The following CHN1 variants were observed in gnomAD, a reference collection of about 807,000 sequenced individuals.
CHN1 encodes N-chimaerin.
A neutral mutation model predicts 59.5 loss-of-function variants in CHN1; 37 were observed. The ratio of observed to expected loss-of-function variants is 0.62; its 90% CI spans 0.48 to 0.82. The LOEUF is 0.82. Among genes scored for constraint, CHN1 ranks in the 40% least tolerant of loss-of-function variants. The pLI, the probability that CHN1 is intolerant of heterozygous loss-of-function variation, is 0.00. For missense variants in CHN1, 469 were observed against 571.0 expected (o/e 0.82, Z 1.82); for synonymous variants, 206 against 200.4 (o/e 1.03, Z -0.24).
At chr2:174,800,318 T>C in intron 12 of CHN1, 31 bp from the exon 13 acceptor site, 1 of 1,409,766 alleles carries the variant, frequency 7.1e-7, no homozygotes, top group Non-Finnish European at 9.3e-7. Context: ...AATAAATGAC[T>C]TTGTGTAAGC....
intron 8 of CHN1, among the ~76,000 whole-genome samples, chr2:174,820,431 A>AT (rs1457698358): frequency 6.6e-6 from 1 of 152,104 alleles, no homozygotes; most frequent in Non-Finnish European, 1.5e-5. Context: ...GATGATGAGC[A>AT]TTTTTTCATG....
intron 6 of CHN1, among the ~76,000 whole-genome samples, chr2:174,868,096 C>T (rs573931264): frequency 1.3e-5 from 2 of 152,178 alleles, no homozygotes; most frequent in South Asian, 4.1e-4. Context: ...TTTTTCATAT[C>T]TTTCTAATTT....
intron 7 of CHN1, among the ~76,000 whole-genome samples, chr2:174,842,720 CT>C (rs1428448321): frequency 1.3e-5 from 2 of 152,182 alleles, no homozygotes; most frequent in East Asian, 3.8e-4. Context: ...AGTGTCCAGT[CT>C]GTTGGCTAGG....
intron 2 of CHN1, among the ~76,000 whole-genome samples, chr2:174,948,883 G>A (rs1689928636): frequency 6.6e-6 from 1 of 152,152 alleles, no homozygotes; most frequent in South Asian, 2.1e-4. Flanking sequence ...ACATCACAGA[G>A]ATGCTGAAGC....
intron 10 of CHN1, among the ~76,000 whole-genome samples, chr2:174,809,356 T>C (rs933447422): frequency 1.3e-5 from 2 of 152,182 alleles, no homozygotes; most frequent in African/African-American, 2.4e-5. Context: ...CCTCCATGAG[T>C]GCAAGGACCA....
intron 8 of CHN1, among the ~76,000 whole-genome samples, chr2:174,817,430 C>T (rs573794732): frequency 1.3e-5 from 2 of 150,828 alleles, no homozygotes; most frequent in African/African-American, 4.9e-5. Context: ...TTGGTATTGA[C>T]TTTTTTCCTT....
chr2:174,905,456 C>T (rs1226501197), intron 5 of CHN1, among the ~76,000 whole-genome samples: 1 of 152,188 alleles, frequency 6.6e-6, no homozygotes, highest in Non-Finnish European at 1.5e-5. Flanking sequence ...TTGGCTTTCT[C>T]TACCTTCTAC....
intron 4 of CHN1, 67 bp from the exon 5 acceptor site, chr2:174,915,238 G>A (rs368035324): frequency 2.4e-5 from 28 of 1,149,164 alleles, no homozygotes; most frequent in African/African-American, 1.7e-4. Context: ...ATAAAACAAC[G>A]TCCCACCACC....
chr2:174,987,289 TTTA>T (rs935017575), intron 1 of CHN1, among the ~76,000 whole-genome samples: 15 of 152,312 alleles, frequency 9.8e-5, no homozygotes, highest in Admixed American at 2.6e-4. Context: ...CTAGTATGGT[TTTA>T]TTATTTCACA....
At chr2:174,878,218 G>A (rs1010064860) in intron 5 of CHN1, 90 bp from the exon 6 acceptor site, 8 of 1,210,788 alleles carry the variant, frequency 6.6e-6, no homozygotes, top group African/African-American at 3.1e-5. Context: ...AAAAACTATC[G>A]CTTTGTTTTG....
At chr2:174,860,267 C>T (rs1388639531) in intron 6 of CHN1, among the ~76,000 whole-genome samples, 1 of 152,106 alleles carries the variant, frequency 6.6e-6, no homozygotes, top group African/African-American at 2.4e-5. Context: ...ACATAATTTA[C>T]AAGGTGGAAA....
intron 6 of CHN1, among the ~76,000 whole-genome samples, chr2:174,870,106 G>C (rs1687357691): frequency 6.6e-6 from 1 of 152,192 alleles, no homozygotes; most frequent in African/African-American, 2.4e-5. Flanking sequence ...ACAGCATTTA[G>C]TGAATGTTCA....
intron 3 of CHN1, among the ~76,000 whole-genome samples, chr2:174,928,655 T>C (rs1036239737): frequency 6.6e-6 from 1 of 152,194 alleles, no homozygotes; most frequent in African/African-American, 2.4e-5. Flanking sequence ...AAAATATACA[T>C]GTCTATAAAT....
chr2:174,835,915 A>G (rs1374185021), intron 7 of CHN1, among the ~76,000 whole-genome samples: 9 of 152,262 alleles, frequency 5.9e-5, no homozygotes, highest in African/African-American at 2.2e-4. Flanking sequence ...GCCATTGTTT[A>G]GCCTATTGCT....
intron 12 of CHN1, among the ~76,000 whole-genome samples, chr2:174,800,594 A>C (rs1684688356): frequency 6.6e-6 from 1 of 152,178 alleles, no homozygotes; most frequent in African/African-American, 2.4e-5. Context: ...CTAAACCTAC[A>C]TTTGCAAATA....
chr2:174,914,705 T>C (rs912405192), intron 5 of CHN1, among the ~76,000 whole-genome samples: 3 of 150,408 alleles, frequency 2.0e-5, no homozygotes, highest in Non-Finnish European at 4.4e-5. Flanking sequence ...TAGCTGGGCG[T>C]AGTGGCACAC....
chr2:174,835,949 CT>C (rs1686060936), intron 7 of CHN1, among the ~76,000 whole-genome samples: 1 of 152,152 alleles, frequency 6.6e-6, no homozygotes, highest in East Asian at 1.9e-4. Flanking sequence ...CCAATAGTTT[CT>C]TCCCACATAT....
At chr2:174,803,055 A>C (rs1437526521) in intron 11 of CHN1, among the ~76,000 whole-genome samples, 1 of 152,100 alleles carries the variant, frequency 6.6e-6, no homozygotes, top group East Asian at 1.9e-4. Flanking sequence ...GAATTAAAAA[A>C]AGGTGGGTTT....
rs1202009263 is a variant in CHN1, at chr2:174,811,528, T to C, written c.947A>G (p.Lys316Arg). 5 of 1,611,662 alleles carry C rather than the reference T, an allele frequency of 3.1e-6. No individual in the cohort carries two copies. Among genetic ancestry groups the C allele is most frequent in the Admixed American group, 1.7e-5 (1 of 59,900 alleles). ...SGFSDLIEDV[K>R]MAFDRDGEKA... The stretch of plus-strand genomic sequence containing the variant: ...AAACATACCTCTGTCGAAAGCCATC[T>C]TGACATCTTCAATTAGGTCACTAAA... The change falls in exon 10 of 13, where the codon AAG (lysine) becomes AGG (arginine). Residue 316 changes from lysine to arginine, a missense_variant. By Grantham distance (26) the Lys-to-Arg change is conservative. Transcript: ENST00000409900.
Sources: allele counts gnomAD v4.1 joint callset (sites outside exome capture counted in the v4.1 genomes callset), GRCh38; gene constraint gnomAD v4.1.1; transcripts MANE v1.5; gene names NCBI Gene and HGNC (gene_info 2026-07-23, HGNC 2026-07-21).